Variants in C8orf34 observed in about 807,000 individuals in gnomAD.
C8orf34 encodes the protein uncharacterized protein C8orf34.
Under a neutral mutation model 68.3 loss-of-function variants are expected in C8orf34, and 65 were observed. That is an observed-to-expected ratio of 0.95 (90% CI 0.78 to 1.17). The LOEUF (loss-of-function observed/expected upper bound fraction) is 1.17. C8orf34 is among the 50% of genes most tolerant of loss of function. C8orf34 has a pLI of 0.00. For missense variants in C8orf34, 664 were observed against 655.4 expected (o/e 1.01, Z -0.14); for synonymous variants, 244 against 241.2 (o/e 1.01, Z -0.11).
chr8:68,417,854 G>A (rs1166937387), intron 1 of C8orf34, among the ~76,000 whole-genome samples: 1 of 151,832 alleles, frequency 6.6e-6, no homozygotes, highest in African/African-American at 2.4e-5. Flanking sequence ...GCTTGATGGG[G>A]ATGGCATTGA....
rs1174742348 is a variant in C8orf34, at chr8:68,745,375, C to T, written c.1404+23938C>T. Among the ~76,000 whole-genome samples the T allele has an allele frequency of 2.0e-5, 3 of 151,840 alleles. No homozygotes were observed. The East Asian group carries it at 5.8e-4, about 29-fold the overall frequency. On this transcript the variant is annotated intron_variant, in intron 10 of 13. Coordinates refer to ENST00000518698, the MANE Select transcript of C8orf34 (RefSeq NM_052958.4). ...CATCATAATGACAGGATCAAATTCA[C>T]ATATAATAATATTACCTTTAAATGT...
At chr8:68,685,831 C>T (rs777287275) in intron 8 of C8orf34, among the ~76,000 whole-genome samples, 1 of 151,686 alleles carries the variant, frequency 6.6e-6, no homozygotes. Context: ...GAGCCATGAT[C>T]ATGCCACTAC....
At chr8:68,657,355 G>A (rs944108760) in intron 8 of C8orf34, among the ~76,000 whole-genome samples, 1 of 152,112 alleles carries the variant, frequency 6.6e-6, no homozygotes, top group Non-Finnish European at 1.5e-5. Context: ...CTCATGCATG[G>A]AATTAGTGTC....
At chr8:68,746,579 AC>A (rs1351646829) in intron 10 of C8orf34, among the ~76,000 whole-genome samples, 2 of 144,692 alleles carry the variant, frequency 1.4e-5, no homozygotes, top group East Asian at 4.0e-4. Context: ...AGAAATACAA[AC>A]TACTATCAGA....
chr8:68,644,911 C>T (rs146247272), intron 8 of C8orf34, among the ~76,000 whole-genome samples: 100 of 152,240 alleles, frequency 6.6e-4, no homozygotes, highest in African/African-American at 1.7e-3. Context: ...GTGGGGAAGA[C>T]GCAGATGAGA....
chr8:68,658,178 C>T (rs1397311737), intron 8 of C8orf34, among the ~76,000 whole-genome samples: 1 of 152,002 alleles, frequency 6.6e-6, no homozygotes, highest in South Asian at 2.1e-4. Context: ...TTCTTAAGAC[C>T]TATATTTTTA....
At chr8:68,788,640 C>G (rs1024139933) in intron 12 of C8orf34, among the ~76,000 whole-genome samples, 3 of 152,172 alleles carry the variant, frequency 2.0e-5, no homozygotes, top group African/African-American at 7.2e-5. Flanking sequence ...GTGGGCAGAT[C>G]ACCAGGTCAA....
intron 1 of C8orf34, among the ~76,000 whole-genome samples, chr8:68,373,945 C>G (rs764552334): frequency 6.6e-6 from 1 of 152,112 alleles, no homozygotes; most frequent in Non-Finnish European, 1.5e-5. Flanking sequence ...CAGATAGGGT[C>G]TTATCTGTTG....
At chr8:68,618,985 A>G (rs1818309218) in intron 7 of C8orf34, among the ~76,000 whole-genome samples, 1 of 152,138 alleles carries the variant, frequency 6.6e-6, no homozygotes, top group African/African-American at 2.4e-5. Context: ...ACTGAGAGCT[A>G]GGGGGATGGA....
At chr8:68,397,299 A>G (rs1415020962) in intron 1 of C8orf34, among the ~76,000 whole-genome samples, 47 of 152,038 alleles carry the variant, frequency 3.1e-4, no homozygotes, top group Non-Finnish European at 5.9e-5. Context: ...TTGTTTTTAC[A>G]TTGAAGCAAT....
At chr8:68,393,640 C>T (rs1808565259) in intron 1 of C8orf34, among the ~76,000 whole-genome samples, 1 of 151,974 alleles carries the variant, frequency 6.6e-6, no homozygotes. Flanking sequence ...CTAAAGGAAA[C>T]ATAGAACTTG....
At chr8:68,805,636 AT>A (rs1406217790) in intron 12 of C8orf34, among the ~76,000 whole-genome samples, 3 of 152,134 alleles carry the variant, frequency 2.0e-5, no homozygotes, top group Non-Finnish European at 4.4e-5. Flanking sequence ...ATTCTATGAC[AT>A]TGGTACCCCA....
At chr8:68,754,825 G>A (rs915961486) in intron 10 of C8orf34, among the ~76,000 whole-genome samples, 18 of 152,224 alleles carry the variant, frequency 1.2e-4, no homozygotes, top group South Asian at 1.0e-3. Context: ...GAAAAGCTGA[G>A]GTAGAACAAA....
chr8:68,786,806 A>G (rs1430987365), intron 11 of C8orf34, among the ~76,000 whole-genome samples: 8 of 152,198 alleles, frequency 5.3e-5, no homozygotes, highest in Non-Finnish European at 1.0e-4. Flanking sequence ...CAACTTAAAA[A>G]GCGTGCTCTG....
chr8:68,564,196 C>G (rs1184856026), intron 7 of C8orf34, among the ~76,000 whole-genome samples: 1 of 152,212 alleles, frequency 6.6e-6, no homozygotes, highest in African/African-American at 2.4e-5. Flanking sequence ...TACAATTGAA[C>G]AAAACCTCCA....
rs1181755489 is a variant in C8orf34, at chr8:68,502,515, A to G, written c.765+14464A>G. ...TATAGTGAGTTATAGCAAATATTTTAAAATCCACATGTTCATAAAAAAAGC... is the reference window on the plus strand; with the variant it reads ...TATAGTGAGTTATAGCAAATATTTTGAAATCCACATGTTCATAAAAAAAGC... On this transcript the variant is annotated intron_variant, in intron 5 of 13. Transcript: ENST00000518698. 2.6e-5 allele frequency among the ~76,000 whole-genome samples: 4 copies of G among 152,186 alleles called. No homozygotes were observed. In the East Asian group the frequency reaches 7.7e-4, roughly 29 times the overall value.
chr8:68,446,673 G>A (rs1811138737), intron 3 of C8orf34: 2 of 539,392 alleles, frequency 3.7e-6, no homozygotes, highest in Admixed American at 3.6e-5. Flanking sequence ...TAATTCACTT[G>A]GACCCTTTTG....
intron 8 of C8orf34, among the ~76,000 whole-genome samples, chr8:68,644,990 A>G (rs1463532426): frequency 1.3e-5 from 2 of 152,222 alleles, no homozygotes; most frequent in Non-Finnish European, 2.9e-5. Context: ...ATTTAATTCC[A>G]AATATTGCAG....
chr8:68,758,018 CAACA>C (rs1822915617), intron 10 of C8orf34, among the ~76,000 whole-genome samples: 2 of 152,182 alleles, frequency 1.3e-5, no homozygotes, highest in African/African-American at 4.8e-5. Flanking sequence ...TGGAATAGCC[CAACA>C]AAGTACACGT....
Sources: allele counts gnomAD v4.1 joint callset (sites outside exome capture counted in the v4.1 genomes callset), GRCh38; gene constraint gnomAD v4.1.1; transcripts MANE v1.5; gene names NCBI Gene and HGNC (gene_info 2026-07-23, HGNC 2026-07-21).